Variants in MTMR10 observed in about 807,000 individuals in gnomAD.
MTMR10 encodes myotubularin related protein 10.
In MTMR10, 56 loss-of-function variants were observed where a neutral mutation model predicts 88.1. The ratio of observed to expected loss-of-function variants is 0.64; its 90% CI spans 0.51 to 0.79. The LOEUF (loss-of-function observed/expected upper bound fraction) is 0.79, where lower values mean the gene tolerates loss of function less well. Ranked by LOEUF, MTMR10 falls within the 30% of genes least tolerant of loss-of-function variation. MTMR10 has a pLI of 0.00. For synonymous variants in MTMR10, 380 were observed against 340.9 expected (o/e 1.11, Z -1.26); for missense variants, 883 against 924.7 (o/e 0.95, Z 0.58).
chr15:30,981,440 AGGATACCACCTCTGT>A (rs901091691), intron 2 of MTMR10, among the ~76,000 whole-genome samples: 4 of 152,256 alleles, frequency 2.6e-5, no homozygotes, highest in Non-Finnish European at 4.4e-5. Flanking sequence ...ACAAGGGCAA[AGGATACCACCTCTGT>A]GGGTCTTTCC....
At chr15:30,925,820 G>T in the MTMR10 span, 1 of 1,614,190 alleles carries the variant, frequency 6.2e-7, no homozygotes, top group Admixed American at 1.7e-5. Flanking sequence ...TGCCCACAGC[G>T]TGGGATGTGC....
the MTMR10 span, chr15:30,927,262 T>C: frequency 1.0e-6 from 1 of 985,500 alleles, no homozygotes; most frequent in South Asian, 4.7e-5. Context: ...TATTCCTGCC[T>C]GATCGTCAGT....
In MTMR10 at chr15:30,939,019, T is replaced by A; in HGVS notation, c.*2451A>T. The A allele has an allele frequency of 1.1e-5, 11 of 985,350 alleles. No individual in the cohort carries two copies. The highest frequency in any genetic ancestry group is 1.3e-5 in the Non-Finnish European group (11 of 829,862). 61.0% of individuals were successfully genotyped at this position (985,350 alleles called of 1,614,324 possible). A position where few individuals can be genotyped will look rare whatever the true frequency, so the allele number is the denominator to read the frequency against. On this transcript the variant is annotated 3_prime_UTR_variant, in exon 16 of 16. Transcript: ENST00000435680. ...CTGTTGAACAACAAGATAACACATC[T>A]TCTTGCTCATCCCACTTGAACTCAA...
chr15:30,942,997 G>T lies in MTMR10; in HGVS notation c.1624C>A (p.Leu542Ile). Reference protein sequence around the residue: ...LKFPSVWDWSLQFTAKDRTLF... With the variant: ...LKFPSVWDWSIQFTAKDRTLF... ...GTGCGATCCTTTGCTGTAAACTGGA[G>T]AGACCAGTCCCAAACAGAGGGGAAT... is the stretch of plus-strand genomic sequence containing the variant. Residue 542 changes from leucine to isoleucine, a missense_variant, in exon 15 of 16, where the codon CTC becomes ATC. Leu to Ile is a conservative substitution (Grantham distance 5). This residue lies in a region of MTMR10 where 343 missense variants were observed against 323.2 expected (regional missense o/e 1.06). Transcript: ENST00000435680. 6.4e-7 allele frequency: 1 copy of T among 1,552,862 alleles called. No individual in the cohort carries two copies. The highest frequency in any genetic ancestry group is 8.7e-7 in the Non-Finnish European group (1 of 1,147,352).
chr15:30,955,634 G>C (rs984950436), intron 9 of MTMR10, among the ~76,000 whole-genome samples: 5 of 152,048 alleles, frequency 3.3e-5, no homozygotes, highest in African/African-American at 1.2e-4. Context: ...CTGGGAAACA[G>C]AAACACTGCC....
chr15:30,930,764 A>C, the MTMR10 span: 2 of 1,473,518 alleles, frequency 1.4e-6, no homozygotes, highest in Non-Finnish European at 1.9e-6. Flanking sequence ...GGCTGTTGGC[A>C]AGATTGAATT....
the MTMR10 span, among the ~76,000 whole-genome samples, chr15:30,933,900 A>G: frequency 1.1e-3 from 172 of 152,198 alleles, no homozygotes; most frequent in East Asian, 0.031. Context: ...AGCCCGAACT[A>G]TAGGCATGCA....
chr15:30,977,055 T>G, intron 2 of MTMR10, 100 bp from the exon 3 acceptor site: 2 of 1,147,926 alleles, frequency 1.7e-6, no homozygotes, highest in Non-Finnish European at 2.5e-6. Flanking sequence ...AGGATGAGGA[T>G]AGTGAAAACA....
intron 5 of MTMR10, among the ~76,000 whole-genome samples, chr15:30,971,090 C>G (rs903799508): frequency 6.6e-6 from 1 of 152,002 alleles, no homozygotes; most frequent in East Asian, 1.9e-4. Flanking sequence ...AGCCAGGGCC[C>G]CATTCTTTGC....
intron 9 of MTMR10, among the ~76,000 whole-genome samples, chr15:30,955,891 A>G (rs1211333954): frequency 6.6e-6 from 1 of 152,048 alleles, no homozygotes; most frequent in Non-Finnish European, 1.5e-5. Context: ...AATATGTGCC[A>G]TGGGGTCTCT....
chr15:30,954,063 C>T (rs1052421227), intron 10 of MTMR10, among the ~76,000 whole-genome samples: 1 of 152,232 alleles, frequency 6.6e-6, no homozygotes, highest in Non-Finnish European at 1.5e-5. Flanking sequence ...GCATGGCTCA[C>T]GTGGCCGAGG....
At chr15:30,937,038 G>T, downstream of MTMR10, 2 of 1,133,240 alleles carry the variant, frequency 1.8e-6, no homozygotes, top group Middle Eastern at 2.4e-4. Flanking sequence ...TTAAATAGTT[G>T]TCAGTGACAA....
intron 7 of MTMR10, among the ~76,000 whole-genome samples, chr15:30,960,442 G>A (rs2063386012): frequency 6.6e-6 from 1 of 152,110 alleles, no homozygotes; most frequent in Non-Finnish European, 1.5e-5. Context: ...GGACACCCTG[G>A]GGATAAAACA....
chr15:30,967,896 A>C (rs1374138420), intron 6 of MTMR10, 24 bp downstream of exon 6: 1 of 1,504,814 alleles, frequency 6.6e-7, no homozygotes, highest in Non-Finnish European at 9.0e-7. Flanking sequence ...AATTAGTCAC[A>C]ATATTTAATA....
intron 6 of MTMR10, among the ~76,000 whole-genome samples, chr15:30,965,393 C>T (rs949390149): frequency 6.6e-6 from 1 of 152,228 alleles, no homozygotes. Context: ...AGCAGGATGT[C>T]TGTCATGAAG....
At position 30,939,382 on chromosome 15, in the gene MTMR10, C is replaced by G. The variant is rs1292489564; in HGVS notation, c.*2088G>C. The G allele has an allele frequency of 1.0e-6, 1 of 985,318 alleles. No individual in the cohort carries two copies. The highest frequency in any genetic ancestry group is 1.2e-6 in the Non-Finnish European group (1 of 829,948). 61.0% of individuals were successfully genotyped at this position (985,318 alleles called of 1,614,324 possible). A position where few individuals can be genotyped will look rare whatever the true frequency, so the allele number is the denominator to read the frequency against. ...GCTCTCTCTAGTGCGCCCTGTGCAG[C>G]CACACCACTGCTGTCACCACATGTC... On this transcript the variant is annotated 3_prime_UTR_variant, in exon 16 of 16. Transcript: ENST00000435680.
the MTMR10 span, chr15:30,928,860 T>G: frequency 1.1e-6 from 1 of 872,280 alleles, no homozygotes; most frequent in Non-Finnish European, 1.4e-6. Context: ...AAACTTTAAT[T>G]TAGCCTCCAC....
intron 5 of MTMR10, among the ~76,000 whole-genome samples, chr15:30,968,534 A>AACACACACACAC (rs61503155): frequency 0.016 from 2,342 of 143,080 alleles, 42 homozygotes; most frequent in African/African-American, 0.028. Flanking sequence ...TCAAAAAAAC[A>AACACACACACAC]ACACACACAC....
chr15:30,928,398 C>A, the MTMR10 span: 8 of 1,461,112 alleles, frequency 5.5e-6, no homozygotes, highest in South Asian at 2.8e-5. Context: ...CTGGGAATGG[C>A]GTGAAAACAG....
Sources: gnomAD v4.1 joint callset for allele counts (sites outside exome capture counted in the v4.1 genomes callset) on GRCh38, gnomAD v4.1.1 for gene constraint, gnomAD v4.1.1 regional missense constraint, MANE v1.5 for transcripts, NCBI Gene and HGNC (gene_info 2026-07-23, HGNC 2026-07-21) for gene names.